The following ARHGEF28 variants were observed in gnomAD, a reference collection of about 807,000 sequenced individuals.
ARHGEF28 encodes Rho guanine nucleotide exchange factor 28, also known as 190 kDa guanine nucleotide exchange factor.
ARHGEF28 carries 152 observed loss-of-function variants against 206.6 expected under a neutral mutation model. That is an observed-to-expected ratio of 0.74 (90% CI 0.64 to 0.84). The LOEUF (loss-of-function observed/expected upper bound fraction) is 0.84, where lower values mean the gene tolerates loss of function less well. ARHGEF28 is among the 40% of genes least tolerant of loss of function. The probability of loss-of-function intolerance (pLI) is 0.00; values close to 1 mark genes in which losing one functional copy is unlikely to be tolerated. For synonymous variants in ARHGEF28, 763 were observed against 776.4 expected, an observed-to-expected ratio of 0.98 and a Z score of 0.29; for missense variants, 2,028 against 2,073.2, an observed-to-expected ratio of 0.98 and a Z score of 0.42.
chr5:73,865,670 C>T (rs1208620790), intron 17 of ARHGEF28, among the ~76,000 whole-genome samples: 1 of 152,136 alleles, frequency 6.6e-6, no homozygotes, highest in African/African-American at 2.4e-5. Flanking sequence ...AACTTTCAGC[C>T]TGGGTCTGGA....
intron 4 of ARHGEF28, among the ~76,000 whole-genome samples, chr5:73,766,215 A>G (rs528916055): frequency 1.3e-5 from 2 of 152,278 alleles, no homozygotes; most frequent in South Asian, 2.1e-4. Flanking sequence ...ATTGTGTTGC[A>G]TACATTTCAA....
At chr5:73,801,044 G>A (rs1269300483) in intron 9 of ARHGEF28, among the ~76,000 whole-genome samples, 1 of 152,184 alleles carries the variant, frequency 6.6e-6, no homozygotes, top group African/African-American at 2.4e-5. Context: ...AACTAATTAG[G>A]TTAGTTTCTC....
chr5:73,851,319 A>G (rs571660196), intron 13 of ARHGEF28, among the ~76,000 whole-genome samples: 1 of 151,842 alleles, frequency 6.6e-6, no homozygotes, highest in East Asian at 1.9e-4. Context: ...CAAACCTAGG[A>G]TGCTTTCGGT....
chr5:73,764,391 A>C (rs1176371961), intron 4 of ARHGEF28, among the ~76,000 whole-genome samples: 1 of 152,242 alleles, frequency 6.6e-6, no homozygotes, highest in Non-Finnish European at 1.5e-5. Context: ...ATTCTGATGA[A>C]GACTTTTTAA....
At chr5:73,786,036 C>T (rs1754133092) in intron 7 of ARHGEF28, among the ~76,000 whole-genome samples, 1 of 148,022 alleles carries the variant, frequency 6.8e-6, no homozygotes, top group Non-Finnish European at 1.5e-5. Flanking sequence ...TTTATACCAG[C>T]CACTGTTCTT....
In ARHGEF28 at chr5:73,911,272, C is replaced by A. The variant is rs1391410497; in HGVS notation, c.4648-3C>A. On this transcript the variant is annotated splice_polypyrimidine_tract_variant and splice_region_variant and intron_variant, in intron 34 of 35. Transcript: ENST00000513042. ...TGTACTTTTCCTCTGTTTCTTTACACAGGTAATGGAACTTAATCGATCTGA... is the reference window on the plus strand; with the variant it reads ...TGTACTTTTCCTCTGTTTCTTTACAAAGGTAATGGAACTTAATCGATCTGA... The A allele has an allele frequency of 6.3e-7, 1 of 1,575,228 alleles. No homozygotes were observed. Among genetic ancestry groups the A allele is most frequent in the South Asian group, 1.2e-5 (1 of 86,242 alleles).
intron 35 of ARHGEF28, among the ~76,000 whole-genome samples, chr5:73,938,351 T>C (rs748971942): frequency 1.3e-5 from 2 of 152,226 alleles, no homozygotes; most frequent in African/African-American, 2.4e-5. Context: ...GGATTTTCCA[T>C]GTACCTCAAA....
Position 73,808,743 on chromosome 5 carries a change from T to C in ARHGEF28, c.1024+13352T>C, listed in dbSNP as rs148171471. On this transcript the variant is annotated intron_variant, in intron 9 of 35. Transcript: ENST00000513042. ...ATATTTTATGACTTTCCAGGAACAA[T>C]GTCTAGTAGTATTAAAAACTGTGGT... Among the ~76,000 whole-genome samples, 1,155 of 152,270 alleles carry C rather than the reference T, an allele frequency of 7.6e-3. 21 individuals are homozygous for C. The highest frequency in any genetic ancestry group is 0.026 in the African/African-American group (1,078 of 41,560).
chr5:73,716,159 C>T (rs998556818), intron 2 of ARHGEF28, among the ~76,000 whole-genome samples: 10 of 151,988 alleles, frequency 6.6e-5, no homozygotes, highest in South Asian at 2.1e-4. Flanking sequence ...TGTAATGCAC[C>T]GGCACCTTTA....
rs1744138009 is a variant in ARHGEF28, at chr5:73,641,976, G to T, written c.-12+15654G>T. On this transcript the variant is annotated intron_variant, in intron 1 of 35. Coordinates refer to ENST00000513042, the MANE Select transcript of ARHGEF28 (RefSeq NM_001177693.2). The stretch of plus-strand genomic sequence containing the variant: ...CTGCTTTGCAGATAAGGGAACTAAG[G>T]AGCTGAGAGGTTAAGCAACCTGCTG... Among the ~76,000 whole-genome samples, 3 of 152,142 alleles carry T rather than the reference G, an allele frequency of 2.0e-5. No individual in the cohort carries two copies. In the South Asian group the frequency reaches 6.2e-4, roughly 32 times the overall value.
intron 4 of ARHGEF28, among the ~76,000 whole-genome samples, chr5:73,759,741 A>G (rs547080181): frequency 3.3e-5 from 5 of 152,328 alleles, no homozygotes; most frequent in Non-Finnish European, 5.9e-5. Flanking sequence ...TCTTATCTGC[A>G]GGAAAAGCCA....
chr5:73,890,899 A>C (rs1761587274), intron 26 of ARHGEF28, among the ~76,000 whole-genome samples: 1 of 152,194 alleles, frequency 6.6e-6, no homozygotes, highest in South Asian at 2.1e-4. Context: ...AACTACATCT[A>C]CCTACCAAGC....
intron 1 of ARHGEF28, among the ~76,000 whole-genome samples, chr5:73,668,089 G>A (rs916280246): frequency 6.6e-6 from 1 of 152,116 alleles, no homozygotes; most frequent in African/African-American, 2.4e-5. Context: ...CTTTTTCTGA[G>A]CCCTCACCAG....
chr5:73,737,875 G>A (rs965973012), intron 2 of ARHGEF28, among the ~76,000 whole-genome samples: 1 of 152,078 alleles, frequency 6.6e-6, no homozygotes, highest in African/African-American at 2.4e-5. Context: ...CTGACTGACT[G>A]CTACCTGCTC....
intron 30 of ARHGEF28, 25 bp downstream of exon 30, chr5:73,898,118 A>C: frequency 6.2e-6 from 10 of 1,606,930 alleles, no homozygotes; most frequent in Non-Finnish European, 6.8e-6. Context: ...AGGCCTTGGC[A>C]ATGAGCCTGA....
Position 73,909,343 on chromosome 5 carries a change from C to T in ARHGEF28, c.4162-69C>T, listed in dbSNP as rs574726072. The T allele has an allele frequency of 4.4e-5, 66 of 1,513,012 alleles. 2 individuals are homozygous for T. In the South Asian group the frequency reaches 8.4e-4, roughly 19 times the overall value. The allele number at this position is 1,513,012 out of a possible 1,614,324, so 93.7% of individuals were successfully genotyped here. On this transcript the variant is annotated intron_variant, in intron 33 of 35. Transcript: ENST00000513042. ...TGCGTTTTGTGTTTCGAGGTAGTTC[C>T]AACCGAAAGGGTAAACAATAACCAT...
At chr5:73,734,262 A>G (rs1266241314) in intron 2 of ARHGEF28, among the ~76,000 whole-genome samples, 1 of 152,168 alleles carries the variant, frequency 6.6e-6, no homozygotes, top group East Asian at 1.9e-4. Context: ...GTTAAATACT[A>G]CGAGACAGGT....
intron 2 of ARHGEF28, among the ~76,000 whole-genome samples, chr5:73,741,339 ATATGTGTG>A (rs1214464309): frequency 2.1e-4 from 17 of 80,446 alleles, no homozygotes; most frequent in African/African-American, 5.8e-4. Context: ...TTTTAAATTT[ATATGTGTG>A]TGTGTGTGTG....
intron 2 of ARHGEF28, among the ~76,000 whole-genome samples, chr5:73,734,452 A>G (rs1430777467): frequency 9.9e-5 from 15 of 152,150 alleles, no homozygotes; most frequent in Admixed American, 9.8e-4. Context: ...GAGGAGCAGG[A>G]CACACTTCTA....
Sources: allele counts gnomAD v4.1 joint callset (sites outside exome capture counted in the v4.1 genomes callset), GRCh38; gene constraint gnomAD v4.1.1; transcripts MANE v1.5; gene names NCBI Gene and HGNC (gene_info 2026-07-23, HGNC 2026-07-21).